Variants in NRXN3 observed in about 807,000 individuals in gnomAD.
NRXN3 encodes neurexin III.
NRXN3 carries 32 observed loss-of-function variants against 137.6 expected under a neutral mutation model. That is an observed-to-expected ratio of 0.23 (90% CI 0.18 to 0.31). NRXN3 has a LOEUF of 0.31. NRXN3 is among the 10% of genes least tolerant of loss of function. The pLI, the probability that NRXN3 is intolerant of heterozygous loss-of-function variation, is 1.00. For synonymous variants in NRXN3, 798 were observed against 784.5 expected, an observed-to-expected ratio of 1.02 and a Z score of -0.29; for missense variants, 1,574 against 2,062.5, an observed-to-expected ratio of 0.76 and a Z score of 4.59.
intron 4 of NRXN3, among the ~76,000 whole-genome samples, chr14:78,569,180 G>A (rs1260366092): frequency 6.6e-6 from 1 of 151,686 alleles, no homozygotes; most frequent in African/African-American, 2.4e-5. Context: ...TGTTAGCCAG[G>A]ATGGTCTCGA....
At chr14:78,256,693 A>G (rs2069674840) in intron 2 of NRXN3, among the ~76,000 whole-genome samples, 1 of 152,260 alleles carries the variant, frequency 6.6e-6, no homozygotes, top group Non-Finnish European at 1.5e-5. Context: ...TTGAGCTCAT[A>G]TTCCTAGGAA....
At chr14:79,385,948 G>A (rs570702817) in intron 15 of NRXN3, among the ~76,000 whole-genome samples, 29 of 152,030 alleles carry the variant, frequency 1.9e-4, no homozygotes, top group Admixed American at 1.2e-3. Context: ...TTGATGGGAC[G>A]TACCTCAAAA....
chr14:78,421,713 T>C (rs956211368), intron 4 of NRXN3, among the ~76,000 whole-genome samples: 1 of 152,174 alleles, frequency 6.6e-6, no homozygotes, highest in South Asian at 2.1e-4. Context: ...AAAAAAGAGA[T>C]GGAGTCTCAC....
intron 8 of NRXN3, among the ~76,000 whole-genome samples, chr14:78,782,778 C>G (rs2098774641): frequency 6.6e-6 from 1 of 152,182 alleles, no homozygotes; most frequent in Non-Finnish European, 1.5e-5. Flanking sequence ...AGTGACTTGT[C>G]CAGTCACAGA....
chr14:79,857,301 A>G (rs530716265), intron 20 of NRXN3, among the ~76,000 whole-genome samples: 2 of 152,204 alleles, frequency 1.3e-5, no homozygotes, highest in African/African-American at 4.8e-5. Flanking sequence ...GGCTCACTGC[A>G]AGCTCTGCCT....
intron 1 of NRXN3, among the ~76,000 whole-genome samples, chr14:78,208,405 G>C (rs1212820361): frequency 1.3e-5 from 2 of 152,098 alleles, no homozygotes; most frequent in Non-Finnish European, 2.9e-5. Context: ...GCTTTTCCTT[G>C]TGTTTCCTTT....
At chr14:79,303,147 C>A (rs71414792) in intron 15 of NRXN3, among the ~76,000 whole-genome samples, 3 of 152,032 alleles carry the variant, frequency 2.0e-5, no homozygotes, top group African/African-American at 7.2e-5. Flanking sequence ...GCTACCCTGC[C>A]TCTTCCAGGC....
At chr14:78,492,158 T>C (rs759136043) in intron 4 of NRXN3, among the ~76,000 whole-genome samples, 1 of 152,210 alleles carries the variant, frequency 6.6e-6, no homozygotes, top group Non-Finnish European at 1.5e-5. Context: ...GTCTATCACA[T>C]GATAAACGCT....
At chr14:78,199,621 C>A (rs974748827) in intron 1 of NRXN3, among the ~76,000 whole-genome samples, 1 of 152,198 alleles carries the variant, frequency 6.6e-6, no homozygotes, top group Non-Finnish European at 1.5e-5. Context: ...TTCCTGGCTT[C>A]TCTGACCCCA....
intron 4 of NRXN3, among the ~76,000 whole-genome samples, chr14:78,456,859 C>CTTTT (rs1567645300): frequency 2.5e-5 from 2 of 81,310 alleles, no homozygotes; most frequent in East Asian, 7.6e-4. Flanking sequence ...CTTTCTTTTT[C>CTTTT]TCTTTCTTTC....
chr14:79,128,621 T>C (rs942157000), intron 15 of NRXN3, among the ~76,000 whole-genome samples: 6 of 152,148 alleles, frequency 3.9e-5, no homozygotes, highest in Admixed American at 6.6e-5. Context: ...TCATCAAGGA[T>C]ATTGGTCTAA....
intron 15 of NRXN3, among the ~76,000 whole-genome samples, chr14:79,375,928 A>G (rs541987076): frequency 6.6e-6 from 1 of 151,630 alleles, no homozygotes; most frequent in South Asian, 2.1e-4. Flanking sequence ...ATGTAGGAGC[A>G]TGGTTGAAAG....
intron 15 of NRXN3, among the ~76,000 whole-genome samples, chr14:79,015,567 A>T (rs541919125): frequency 6.6e-6 from 1 of 152,294 alleles, no homozygotes; most frequent in South Asian, 2.1e-4. Context: ...GAGCATGAGT[A>T]GAACTCCCAA....
intron 8 of NRXN3, among the ~76,000 whole-genome samples, chr14:78,731,372 A>G (rs2098514543): frequency 2.6e-5 from 4 of 152,166 alleles, no homozygotes; most frequent in East Asian, 1.9e-4. Flanking sequence ...TTATAATTCT[A>G]AAATTAATAT....
At chr14:79,257,559 ATGGTGGTGG>A (rs1455324209) in intron 15 of NRXN3, among the ~76,000 whole-genome samples, 1 of 18,300 alleles carries the variant, frequency 5.5e-5, no homozygotes, top group Non-Finnish European at 1.2e-4. Flanking sequence ...GGTGGTGGTG[ATGGTGGTGG>A]TGGTGGTGGT....
chr14:78,624,235 T>C (rs17107940), intron 4 of NRXN3, among the ~76,000 whole-genome samples: 17,284 of 152,230 alleles, frequency 0.11, 1,601 homozygotes, highest in African/African-American at 0.25. Flanking sequence ...TTGAGGGACT[T>C]CATGGAGCAT....
intron 15 of NRXN3, among the ~76,000 whole-genome samples, chr14:79,168,799 T>C (rs1392987521): frequency 6.6e-6 from 1 of 152,106 alleles, no homozygotes; most frequent in African/African-American, 2.4e-5. Flanking sequence ...TCACCACTTA[T>C]GTTTCTGTAT....
At chr14:79,524,405 A>C (rs1378650777) in intron 16 of NRXN3, among the ~76,000 whole-genome samples, 1 of 152,206 alleles carries the variant, frequency 6.6e-6, no homozygotes, top group East Asian at 1.9e-4. Flanking sequence ...TAAGTAAAAA[A>C]ACAAATCCCC....
chr14:78,859,300 C>T (rs371865289), intron 10 of NRXN3, among the ~76,000 whole-genome samples: 2 of 152,102 alleles, frequency 1.3e-5, no homozygotes, highest in East Asian at 1.9e-4. Context: ...TTGGGTACTC[C>T]TTCATAGCGG....
Sources: allele counts gnomAD v4.1 joint callset (sites outside exome capture counted in the v4.1 genomes callset), GRCh38; gene constraint gnomAD v4.1.1; transcripts MANE v1.5; gene names NCBI Gene and HGNC (gene_info 2026-07-23, HGNC 2026-07-21).